Variants in DOP1A observed in about 807,000 individuals in gnomAD.
DOP1A encodes DOP1 leucine zipper like protein A.
Under a neutral mutation model 267.6 loss-of-function variants are expected in DOP1A, and 90 were observed. The observed-to-expected ratio is 0.34, with a 90% CI of 0.28 to 0.40. The LOEUF is 0.40. DOP1A is among the 10% of genes least tolerant of loss of function. The pLI, the probability that DOP1A is intolerant of heterozygous loss-of-function variation, is 1.00. For synonymous variants in DOP1A, 932 were observed against 999.1 expected (o/e 0.93, Z 1.27); for missense variants, 2,437 against 2,900.4 (o/e 0.84, Z 3.67).
Position 83,102,292 on chromosome 6 carries a change from T to TGTACACA in DOP1A, c.320+1409_320+1415dup, listed in dbSNP as rs1231351856. On this transcript the variant is annotated intron_variant, in intron 4 of 38. Coordinates refer to ENST00000349129, the MANE Select transcript of DOP1A (RefSeq NM_015018.4). ...CCCACCCACATTTTCCCACCTCCGGTGTACACAGTCTGTTGTTCAGAGTTA... is the reference window on the plus strand; with the variant it reads ...CCCACCCACATTTTCCCACCTCCGGTGTACACAGTACACAGTCTGTTGTTCAGAGTTA... Among the ~76,000 whole-genome samples the TGTACACA allele has an allele frequency of 2.0e-5, 3 of 152,346 alleles. No homozygotes were observed. The East Asian group carries it at 5.8e-4, about 29-fold the overall frequency.
chr6:83,168,539 T>A (rs1217874681), downstream of DOP1A: 1 of 1,005,472 alleles, frequency 9.9e-7, no homozygotes, highest in East Asian at 1.0e-4. Flanking sequence ...TTAACCATGT[T>A]CTGGTATCAG....
At position 83,129,528 on chromosome 6, in the gene DOP1A, G is replaced by T; in HGVS notation, c.2341+20G>T. 2.7e-6 allele frequency: 4 copies of T among 1,484,722 alleles called. No individual in the cohort carries two copies. Among genetic ancestry groups the T allele is most frequent in the South Asian group, 1.5e-5 (1 of 66,292 alleles). The allele number at this position is 1,484,722 out of a possible 1,614,324, so 92.0% of individuals were successfully genotyped here. A position where few individuals can be genotyped will look rare whatever the true frequency, so the allele number is the denominator to read the frequency against. On this transcript the variant is annotated intron_variant, in intron 16 of 38. Coordinates refer to ENST00000349129, the MANE Select transcript of DOP1A (RefSeq NM_015018.4). ...AGACTGGTAAGGTCATCTCAGTTTT[G>T]CTTATATTTCAGTATTGTCTGTAGT...
At chr6:83,071,664 C>G (rs912262618) in intron 1 of DOP1A, among the ~76,000 whole-genome samples, 1 of 151,842 alleles carries the variant, frequency 6.6e-6, no homozygotes, top group Non-Finnish European at 1.5e-5. Context: ...AGAAACAAAG[C>G]CTTAATTGTA....
Position 83,108,976 on chromosome 6 carries a change from T to C in DOP1A, c.387T>C (p.Tyr129=), listed in dbSNP as rs1774113353. Residue 129 remains tyrosine, a synonymous_variant, in exon 5 of 39, where the codon TAT becomes TAC. Coordinates refer to ENST00000349129, the MANE Select transcript of DOP1A (RefSeq NM_015018.4). ...TGAAACCAACATTGCTCAGTTTGTATGAGATATATTATCTGCCTTTGGGTA... is the reference window on the plus strand; with the variant it reads ...TGAAACCAACATTGCTCAGTTTGTACGAGATATATTATCTGCCTTTGGGTA... ...MSVKPTLLSL[Y]EIYYLPLGKT... 1 of 1,613,222 alleles carries C rather than the reference T, an allele frequency of 6.2e-7. No homozygotes were observed. The highest frequency in any genetic ancestry group is 1.3e-5 in the African/African-American group (1 of 74,898).
intron 1 of DOP1A, among the ~76,000 whole-genome samples, chr6:83,093,901 G>A (rs1430571827): frequency 6.6e-6 from 1 of 152,164 alleles, no homozygotes; most frequent in Non-Finnish European, 1.5e-5. Flanking sequence ...GTGACAGAGT[G>A]AGACTCCGTC....
intron 33 of DOP1A, among the ~76,000 whole-genome samples, chr6:83,155,681 G>A (rs1019181037): frequency 4.6e-5 from 7 of 152,104 alleles, no homozygotes; most frequent in Non-Finnish European, 1.0e-4. Flanking sequence ...GTTTCCTCAG[G>A]GTTTTATATA....
chr6:83,160,555 A>C (rs935718391), intron 37 of DOP1A, among the ~76,000 whole-genome samples: 1 of 152,210 alleles, frequency 6.6e-6, no homozygotes, highest in Non-Finnish European at 1.5e-5. Flanking sequence ...TATTTTGGCT[A>C]TGTAGTGTGG....
At chr6:83,092,359 A>G (rs1013239767) in intron 1 of DOP1A, among the ~76,000 whole-genome samples, 1 of 152,204 alleles carries the variant, frequency 6.6e-6, no homozygotes, top group Non-Finnish European at 1.5e-5. Context: ...CCTGCTCTCA[A>G]AGAACTTTCC....
At chr6:83,127,243 A>T (rs1484460630) in intron 15 of DOP1A, among the ~76,000 whole-genome samples, 1 of 152,110 alleles carries the variant, frequency 6.6e-6, no homozygotes, top group Non-Finnish European at 1.5e-5. Context: ...GTGGCCTTTC[A>T]TTTGTTTTAC....
rs770636173 is a variant in DOP1A, at chr6:83,138,640, T to A, written c.4598T>A (p.Leu1533Gln). The change falls in exon 21 of 39, where the codon CTG becomes CAG. Residue 1533 changes from leucine (L) to glutamine (Q), a missense_variant. By Grantham distance (113) the Leu-to-Gln change is moderately radical. This residue lies in a region of DOP1A where 878 missense variants were observed against 992.9 expected (regional missense o/e 0.88). Coordinates refer to ENST00000349129, the MANE Select transcript of DOP1A (RefSeq NM_015018.4). The stretch of plus-strand genomic sequence containing the variant: ...CAGAAAGTGATTCTTCATTGTTTGC[T>A]GTCATCTATCTTTAGTGCTCAGAAA... ...KVQKVILHCLLSSIFSAQKWH... is the reference protein window; with the variant it reads ...KVQKVILHCLQSSIFSAQKWH... The A allele has an allele frequency of 6.2e-7, 1 of 1,613,960 alleles. No homozygotes were observed. Among genetic ancestry groups the A allele is most frequent in the South Asian group, 1.1e-5 (1 of 91,076 alleles).
Position 83,128,932 on chromosome 6 carries a change from G to A in DOP1A, c.1765G>A (p.Gly589Arg), listed in dbSNP as rs1316664682. 2.6e-6 allele frequency: 4 copies of A among 1,555,884 alleles called. No individual in the cohort carries two copies. The highest frequency in any genetic ancestry group is 1.2e-5 in the South Asian group (1 of 80,844). Residue 589 changes from glycine to arginine, a missense_variant, in exon 16 of 39, where the codon GGA (glycine) becomes AGA (arginine). By Grantham distance (125) the Gly-to-Arg change is moderately radical. Around this residue, in one of 9 missense-constraint regions of DOP1A, gnomAD observed 498 missense variants for 513.5 expected, o/e 0.97. Transcript: ENST00000349129. The stretch of plus-strand genomic sequence containing the variant: ...AAATCCTACTGAAGTGTTTGAAGAT[G>A]GAGAAAATCCACCAAGTAGTCGATC... Reference protein sequence around the residue: ...HENPTEVFEDGENPPSSRSSE... With the variant: ...HENPTEVFEDRENPPSSRSSE...
chr6:83,084,956 T>C (rs1768816216), intron 1 of DOP1A, among the ~76,000 whole-genome samples: 1 of 152,184 alleles, frequency 6.6e-6, no homozygotes. Flanking sequence ...TAGATAGTTA[T>C]GTTTAATACA....
chr6:83,140,387 A>G lies in DOP1A; in HGVS notation c.5399A>G (p.Asn1800Ser). 25 of 1,608,234 alleles carry G rather than the reference A, an allele frequency of 1.6e-5. No individual in the cohort carries two copies. Among genetic ancestry groups the G allele is most frequent in the Non-Finnish European group, 2.0e-5 (23 of 1,178,436 alleles). ...GCATCCGCATCTCTTACCACTATTAATCTTGGAGCTACAAAGGTTAGACAA... is the reference window on the plus strand; with the variant it reads ...GCATCCGCATCTCTTACCACTATTAGTCTTGGAGCTACAAAGGTTAGACAA... ...IAASASLTTINLGATKNLRQQ... is the reference protein window; with the variant it reads ...IAASASLTTISLGATKNLRQQ... Residue 1800 changes from asparagine (N) to serine (S), a missense_variant, in exon 23 of 39, where the codon AAT becomes AGT. Physicochemically the swap from Asn to Ser is conservative, Grantham distance 46 (BLOSUM62 1). Around this residue, in one of 9 missense-constraint regions of DOP1A, gnomAD observed 307 missense variants for 308.6 expected, o/e 0.99. Transcript: ENST00000349129.
Position 83,119,764 on chromosome 6 carries a change from T to C in DOP1A, c.897T>C (p.Gly299=). The stretch of plus-strand genomic sequence containing the variant: ...TCCATGGAGGTTTTGATAACAACGG[T>C]GCTATCATAGGACCCAGAAGCACAA... ...YAWLLGFDNN[G]AIIGPRSTRH... The change falls in exon 9 of 39, where the codon GGT becomes GGC. Residue 299 remains glycine (G), a synonymous_variant. Coordinates refer to ENST00000349129, the MANE Select transcript of DOP1A (RefSeq NM_015018.4). The C allele has an allele frequency of 6.2e-7, 1 of 1,612,560 alleles. No homozygotes were observed. The highest frequency in any genetic ancestry group is 8.5e-7 in the Non-Finnish European group (1 of 1,179,032).
At position 83,138,972 on chromosome 6, in the gene DOP1A, G is replaced by GTTCCTC. The variant is rs1779222042; in HGVS notation, c.4931_4932insTCCTCT (p.Val1644_Ile1645insProLeu). The GTTCCTC allele has an allele frequency of 6.2e-7, 1 of 1,613,976 alleles. No homozygotes were observed. Among genetic ancestry groups the GTTCCTC allele is most frequent in the Non-Finnish European group, 8.5e-7 (1 of 1,179,978 alleles). On this transcript the variant is annotated inframe_insertion, in exon 21 of 39. Transcript: ENST00000349129. ...ATGTCAAGGCATGTTCCTCTGTGCAGTGATACGAGCTTTGCATCAGCACTG... is the reference window on the plus strand; with the variant it reads ...ATGTCAAGGCATGTTCCTCTGTGCAGTTCCTCTGATACGAGCTTTGCATCAGCACTG...
rs147534184 is a variant in DOP1A, at chr6:83,120,621, C to G, written c.991-62C>G. ...ATGGTTGCATTTAAAAATACTTTTT[C>G]TTAAGGAAAAAATATTTGAATATGT... On this transcript the variant is annotated intron_variant, in intron 9 of 38. Coordinates refer to ENST00000349129, the MANE Select transcript of DOP1A (RefSeq NM_015018.4). The G allele has an allele frequency of 2.2e-6, 3 of 1,356,744 alleles. No homozygotes were observed. In the East Asian group the frequency reaches 7.3e-5, roughly 33 times the overall value. The allele number at this position is 1,356,744 out of a possible 1,614,324, so 84.0% of individuals were successfully genotyped here. A position where few individuals can be genotyped will look rare whatever the true frequency, so the allele number is the denominator to read the frequency against.
In DOP1A at chr6:83,123,906, A is replaced by G. The variant is rs141657229; in HGVS notation, c.1341-799A>G. ...CACACTTCTTCAGCCAACCTGGACTATTCTCTGAAAGTTAGCAGCATTTTA... is the reference window on the plus strand; with the variant it reads ...CACACTTCTTCAGCCAACCTGGACTGTTCTCTGAAAGTTAGCAGCATTTTA... On this transcript the variant is annotated intron_variant, in intron 12 of 38. Coordinates refer to ENST00000349129, the MANE Select transcript of DOP1A (RefSeq NM_015018.4). 3.0e-3 allele frequency among the ~76,000 whole-genome samples: 461 copies of G among 152,210 alleles called. 1 individual carries two copies. The highest frequency in any genetic ancestry group is 0.02 in the Middle Eastern group (6 of 294).
Position 83,096,921 on chromosome 6 carries a change from G to C in DOP1A, c.-53-4G>C, listed in dbSNP as rs1342516174. On this transcript the variant is annotated splice_polypyrimidine_tract_variant and splice_region_variant and intron_variant, in intron 2 of 38. Transcript: ENST00000349129. ...CTTGGTTCCTCCTGCAAACTCTTTT[G>C]TAGGTAATGACTTTACATGAGTTTG... 13 of 1,580,508 alleles carry C rather than the reference G, an allele frequency of 8.2e-6. No individual in the cohort carries two copies. The East Asian group carries it at 2.9e-4, about 35-fold the overall frequency.
downstream of DOP1A, chr6:83,170,605 G>T: frequency 5.4e-6 from 4 of 740,274 alleles, no homozygotes; most frequent in South Asian, 2.2e-5. Context: ...CTTTCTCCAA[G>T]GTCAGGGTAA....
Sources: gnomAD v4.1 joint callset for allele counts (sites outside exome capture counted in the v4.1 genomes callset) on GRCh38, gnomAD v4.1.1 for gene constraint, gnomAD v4.1.1 regional missense constraint, MANE v1.5 for transcripts, NCBI Gene and HGNC (gene_info 2026-07-23, HGNC 2026-07-21) for gene names.